The following PTPRD variants were observed in gnomAD, a reference collection of about 807,000 sequenced individuals.
The protein encoded by PTPRD is receptor-type tyrosine-protein phosphatase delta.
PTPRD carries 34 observed loss-of-function variants against 214.5 expected under a neutral mutation model. The observed-to-expected ratio is 0.16, with a 90% CI of 0.12 to 0.21. PTPRD has a LOEUF of 0.21. Ranked by LOEUF, PTPRD falls within the 10% of genes least tolerant of loss-of-function variation. PTPRD has a pLI of 1.00. For missense variants in PTPRD, 2,545 were observed against 2,398.7 expected, an observed-to-expected ratio of 1.06 and a Z score of -1.27; for synonymous variants, 1,128 against 845.7, an observed-to-expected ratio of 1.33 and a Z score of -5.79.
intron 9 of PTPRD, among the ~76,000 whole-genome samples, chr9:9,348,614 T>C (rs2049863106): frequency 6.6e-6 from 1 of 152,082 alleles, no homozygotes; most frequent in Admixed American, 6.6e-5. Context: ...TAATGGGACG[T>C]TGGGGACAGG....
At chr9:8,498,025 A>G (rs1196458703) in intron 25 of PTPRD, among the ~76,000 whole-genome samples, 1 of 152,212 alleles carries the variant, frequency 6.6e-6, no homozygotes, top group Admixed American at 6.5e-5. Context: ...TAGGCACTAC[A>G]TAATAATTAT....
At chr9:8,521,613 G>A (rs2138932646) in intron 19 of PTPRD, 67 bp from the exon 20 acceptor site, 1 of 1,528,054 alleles carries the variant, frequency 6.5e-7, no homozygotes, top group Non-Finnish European at 8.9e-7. Flanking sequence ...TTAAACACAT[G>A]ACATGCACCG....
At chr9:9,679,557 G>A (rs1001675467) in intron 7 of PTPRD, among the ~76,000 whole-genome samples, 4 of 151,770 alleles carry the variant, frequency 2.6e-5, no homozygotes, top group Non-Finnish European at 4.4e-5. Context: ...ATAATTTACC[G>A]AGGAATGCTT....
chr9:10,159,629 C>G (rs2099115029), intron 3 of PTPRD, among the ~76,000 whole-genome samples: 1 of 151,526 alleles, frequency 6.6e-6, no homozygotes, highest in South Asian at 2.1e-4. Flanking sequence ...AAAAATAATT[C>G]AGAAATTTAT....
rs551198781 is a variant in PTPRD at position 9,312,883 on chromosome 9, G to A, written c.-203+84566C>T. ...TTGTGATTGTTTATTTTTGAACTAC[G>A]TGTTAGTCGCAGGACATCCTCACAA... On this transcript the variant is annotated intron_variant, in intron 9 of 45. Transcript: ENST00000381196. Among the ~76,000 whole-genome samples, 71 of 152,250 alleles carry A rather than the reference G, an allele frequency of 4.7e-4. 1 individual carries two copies. The South Asian group carries it at 0.014, about 30-fold the overall frequency.
At position 9,344,392 on chromosome 9, in the gene PTPRD, C is replaced by G. The variant is rs183072833; in HGVS notation, c.-203+53057G>C. 3.0e-3 allele frequency among the ~76,000 whole-genome samples: 453 copies of G among 152,088 alleles called. 2 individuals are homozygous for G. The highest frequency in any genetic ancestry group is 4.4e-3 in the Non-Finnish European group (298 of 67,978). On this transcript the variant is annotated intron_variant, in intron 9 of 45. Transcript: ENST00000381196. Reference sequence around the variant, plus strand: ...ACCTAATGCATGCGGGGCTTAAAACCTAGCTGACAGGTTGATAGGTGCAGC... The same window carrying G: ...ACCTAATGCATGCGGGGCTTAAAACGTAGCTGACAGGTTGATAGGTGCAGC...
At chr9:8,451,176 A>C (rs1363742216) in intron 33 of PTPRD, among the ~76,000 whole-genome samples, 2 of 152,186 alleles carry the variant, frequency 1.3e-5, no homozygotes, top group Non-Finnish European at 2.9e-5. Context: ...CGTGCACATG[A>C]TTTGCTCAAG....
intron 9 of PTPRD, among the ~76,000 whole-genome samples, chr9:9,356,332 T>C (rs1244862988): frequency 6.6e-6 from 1 of 151,162 alleles, no homozygotes; most frequent in Non-Finnish European, 1.5e-5. Flanking sequence ...TAGAATGAGG[T>C]CTTTGGCTTG....
chr9:9,554,702 T>C (rs2081099656), intron 8 of PTPRD, among the ~76,000 whole-genome samples: 1 of 152,002 alleles, frequency 6.6e-6, no homozygotes, highest in Admixed American at 6.6e-5. Flanking sequence ...TAAGAATCTC[T>C]ACACGGATAC....
At chr9:8,538,544 A>G (rs2077508465) in intron 14 of PTPRD, among the ~76,000 whole-genome samples, 1 of 151,686 alleles carries the variant, frequency 6.6e-6, no homozygotes, top group Non-Finnish European at 1.5e-5. Flanking sequence ...AAAAAAAGAA[A>G]ATCAGAATCA....
chr9:9,625,884 T>C (rs2095410834), intron 7 of PTPRD, among the ~76,000 whole-genome samples: 1 of 152,134 alleles, frequency 6.6e-6, no homozygotes, highest in Non-Finnish European at 1.5e-5. Flanking sequence ...TAGAGGTTTT[T>C]CTCTAGAGCA....
intron 3 of PTPRD, among the ~76,000 whole-genome samples, chr9:10,101,570 C>G (rs1166195461): frequency 1.3e-5 from 2 of 151,632 alleles, no homozygotes; most frequent in Non-Finnish European, 3.0e-5. Context: ...ATAGAAGGAT[C>G]ACCTTCAATG....
chr9:10,418,432 G>A, intron 2 of PTPRD, among the ~76,000 whole-genome samples: 1 of 137,992 alleles, frequency 7.2e-6, no homozygotes, highest in East Asian at 2.2e-4. Context: ...CATTTAAAAT[G>A]AAGCCTTCCC....
intron 11 of PTPRD, among the ~76,000 whole-genome samples, chr9:8,864,432 G>A (rs1336863835): frequency 6.6e-6 from 1 of 152,190 alleles, no homozygotes; most frequent in Non-Finnish European, 1.5e-5. Flanking sequence ...TGGTTAGGAA[G>A]AGAGAAATAA....
At chr9:8,842,916 G>A (rs558428256) in intron 11 of PTPRD, among the ~76,000 whole-genome samples, 7 of 152,240 alleles carry the variant, frequency 4.6e-5, no homozygotes, top group Admixed American at 3.3e-4. Flanking sequence ...CTTGCTCTGC[G>A]CTGCACATGG....
At chr9:8,369,183 A>G (rs1310995529) in intron 39 of PTPRD, among the ~76,000 whole-genome samples, 1 of 152,134 alleles carries the variant, frequency 6.6e-6, no homozygotes, top group East Asian at 1.9e-4. Flanking sequence ...GGAATTTAGA[A>G]TGAATGGTTA....
At chr9:9,032,259 G>A (rs541751858) in intron 10 of PTPRD, among the ~76,000 whole-genome samples, 7 of 152,058 alleles carry the variant, frequency 4.6e-5, no homozygotes, top group Admixed American at 1.3e-4. Flanking sequence ...TTTTTGAAAC[G>A]AGGATTGCAA....
intron 2 of PTPRD, among the ~76,000 whole-genome samples, chr9:10,557,886 AATT>A (rs2062975912): frequency 6.6e-6 from 1 of 152,160 alleles, no homozygotes; most frequent in Admixed American, 6.6e-5. Context: ...TTTATAGCAA[AATT>A]ATTATCATCA....
intron 14 of PTPRD, among the ~76,000 whole-genome samples, chr9:8,573,294 G>A (rs192664655): frequency 2.7e-3 from 412 of 152,052 alleles, no homozygotes; most frequent in African/African-American, 9.4e-3. Context: ...TGCTACTAAA[G>A]ATATACATAT....
Sources: allele counts gnomAD v4.1 joint callset (sites outside exome capture counted in the v4.1 genomes callset), GRCh38; gene constraint gnomAD v4.1.1; transcripts MANE v1.5; gene names NCBI Gene and HGNC (gene_info 2026-07-23, HGNC 2026-07-21).